The following RABGAP1L variants were observed in gnomAD, a reference collection of about 807,000 sequenced individuals.
RABGAP1L encodes the protein rab GTPase-activating protein 1-like.
Under a neutral mutation model 137.7 loss-of-function variants are expected in RABGAP1L, and 63 were observed. The ratio of observed to expected loss-of-function variants is 0.46; its 90% CI spans 0.37 to 0.56. The LOEUF (loss-of-function observed/expected upper bound fraction) is 0.56. Ranked by LOEUF, RABGAP1L falls within the 20% of genes least tolerant of loss-of-function variation. The pLI is 0.00. For missense variants in RABGAP1L, 1,095 were observed against 1,244.0 expected (o/e 0.88, Z 1.80); for synonymous variants, 431 against 433.7 (o/e 0.99, Z 0.08).
At chr1:174,822,295 T>C (rs1311291565) in intron 19 of RABGAP1L, among the ~76,000 whole-genome samples, 2 of 152,192 alleles carry the variant, frequency 1.3e-5, no homozygotes, top group Non-Finnish European at 2.9e-5. Context: ...TGAAGTAGTT[T>C]CTATATCAAA....
chr1:174,505,119 T>C (rs1433429069), intron 13 of RABGAP1L, among the ~76,000 whole-genome samples: 1 of 152,152 alleles, frequency 6.6e-6, no homozygotes, highest in Non-Finnish European at 1.5e-5. Context: ...TGTTCAGTGC[T>C]ATAAGAGGAA....
intron 13 of RABGAP1L, among the ~76,000 whole-genome samples, chr1:174,470,710 T>G (rs1440074641): frequency 6.6e-6 from 1 of 151,940 alleles, no homozygotes. Flanking sequence ...GAGGTTACAG[T>G]GAGCCAAGAT....
At chr1:174,982,973 G>T in intron 24 of RABGAP1L, 68 bp downstream of exon 24, 1 of 1,470,132 alleles carries the variant, frequency 6.8e-7, no homozygotes, top group East Asian at 2.5e-5. Flanking sequence ...GTACCTGAAA[G>T]AACCCCAAAC....
intron 13 of RABGAP1L, among the ~76,000 whole-genome samples, chr1:174,588,386 A>G (rs1482866127): frequency 2.6e-5 from 4 of 151,972 alleles, no homozygotes; most frequent in South Asian, 2.1e-4. Context: ...GCTAGTCTCG[A>G]ACTCCTGACC....
At chr1:174,579,737 A>G (rs749550561) in intron 13 of RABGAP1L, among the ~76,000 whole-genome samples, 2 of 152,202 alleles carry the variant, frequency 1.3e-5, no homozygotes, top group Non-Finnish European at 1.5e-5. Flanking sequence ...GAAGAACACA[A>G]AGGGGTAAAT....
At chr1:174,650,337 T>TGCTG (rs1254964527) in intron 14 of RABGAP1L, among the ~76,000 whole-genome samples, 2 of 152,174 alleles carry the variant, frequency 1.3e-5, no homozygotes, top group Non-Finnish European at 2.9e-5. Context: ...ATCAGGATGA[T>TGCTG]GCTGGCCTCA....
intron 13 of RABGAP1L, among the ~76,000 whole-genome samples, chr1:174,551,553 T>C (rs944245322): frequency 2.6e-5 from 4 of 152,282 alleles, no homozygotes; most frequent in South Asian, 2.1e-4. Flanking sequence ...GTGCTCACTT[T>C]TGAAATGAGG....
chr1:174,859,563 G>A (rs555490778), intron 19 of RABGAP1L, among the ~76,000 whole-genome samples: 26 of 152,100 alleles, frequency 1.7e-4, no homozygotes, highest in Non-Finnish European at 3.4e-4. Context: ...TCCTTTGCAG[G>A]GACATGGATG....
intron 1 of RABGAP1L, among the ~76,000 whole-genome samples, chr1:174,210,211 G>A (rs1430055970): frequency 6.6e-6 from 1 of 152,162 alleles, no homozygotes; most frequent in African/African-American, 2.4e-5. Context: ...ACATCGACAA[G>A]CATCAAGACC....
At chr1:174,651,456 T>C (rs192970550) in intron 14 of RABGAP1L, among the ~76,000 whole-genome samples, 3 of 151,952 alleles carry the variant, frequency 2.0e-5, no homozygotes, top group Middle Eastern at 3.4e-3. Flanking sequence ...CCCATTATTA[T>C]TGTGTGGGAG....
chr1:174,548,552 C>A (rs1372472435), intron 13 of RABGAP1L: 3 of 976,206 alleles, frequency 3.1e-6, no homozygotes, highest in Non-Finnish European at 3.7e-6. Flanking sequence ...AGTAAAATCA[C>A]TATTTTTCAT....
chr1:174,673,010 C>A (rs993289459), intron 14 of RABGAP1L, among the ~76,000 whole-genome samples: 1 of 152,114 alleles, frequency 6.6e-6, no homozygotes, highest in African/African-American at 2.4e-5. Context: ...TCCATAATTT[C>A]TTTCCTTTTT....
chr1:174,564,931 GAA>G (rs145879720), intron 13 of RABGAP1L, among the ~76,000 whole-genome samples: 1 of 151,904 alleles, frequency 6.6e-6, no homozygotes, highest in Non-Finnish European at 1.5e-5. Flanking sequence ...CCCCCTGCCC[GAA>G]AAAAGTTATT....
At chr1:174,816,704 G>A (rs1690450700) in intron 19 of RABGAP1L, among the ~76,000 whole-genome samples, 1 of 149,604 alleles carries the variant, frequency 6.7e-6, no homozygotes, top group Admixed American at 6.7e-5. Flanking sequence ...CTTTTCCTGA[G>A]AATTATTCTC....
chr1:174,286,362 C>A (rs1676045894), intron 10 of RABGAP1L, among the ~76,000 whole-genome samples: 1 of 152,032 alleles, frequency 6.6e-6, no homozygotes, highest in African/African-American at 2.4e-5. Flanking sequence ...TATAGTTGTT[C>A]ATAATAGTCT....
At chr1:174,349,745 C>T (rs1465516147) in intron 11 of RABGAP1L, among the ~76,000 whole-genome samples, 1 of 140,306 alleles carries the variant, frequency 7.1e-6, no homozygotes. Context: ...GACCCCCCCA[C>T]CTCCCTCCCA....
At chr1:174,278,529 A>G (rs1040993902) in intron 9 of RABGAP1L, 84 bp from the exon 10 acceptor site, 28 of 1,078,290 alleles carry the variant, frequency 2.6e-5, no homozygotes, top group Middle Eastern at 4.2e-4. Flanking sequence ...AAGAACTTTA[A>G]TTCTTTCATA....
intron 11 of RABGAP1L, among the ~76,000 whole-genome samples, chr1:174,363,609 A>C (rs1684326948): frequency 6.6e-6 from 1 of 152,100 alleles, no homozygotes; most frequent in South Asian, 2.1e-4. Context: ...GACAGTGGGC[A>C]TCCTTGTTTT....
At chr1:174,814,908 G>A (rs1022116647) in intron 19 of RABGAP1L, among the ~76,000 whole-genome samples, 4 of 152,064 alleles carry the variant, frequency 2.6e-5, no homozygotes, top group Admixed American at 2.0e-4. Flanking sequence ...GGCTGGTCTC[G>A]AACTCCTGAC....
Sources: allele counts gnomAD v4.1 joint callset (sites outside exome capture counted in the v4.1 genomes callset), GRCh38; gene constraint gnomAD v4.1.1; transcripts MANE v1.5; gene names NCBI Gene and HGNC (gene_info 2026-07-23, HGNC 2026-07-21).